MGAT4C: variants seen among roughly 807,000 people sequenced by gnomAD.
MGAT4C encodes the protein MGAT4 family member C.
Under a neutral mutation model 40.1 loss-of-function variants are expected in MGAT4C, and 19 were observed. The ratio of observed to expected loss-of-function variants is 0.47; its 90% CI spans 0.33 to 0.70. MGAT4C has a LOEUF of 0.70. Among genes scored for constraint, MGAT4C ranks in the 30% least tolerant of loss-of-function variants. The pLI, the probability that MGAT4C is intolerant of heterozygous loss-of-function variation, is 0.02. For synonymous variants in MGAT4C, 181 were observed against 187.1 expected (o/e 0.97, Z 0.27); for missense variants, 491 against 563.2 (o/e 0.87, Z 1.30).
chr12:86,795,616 AAGAG>A (rs374665523), intron 1 of MGAT4C, among the ~76,000 whole-genome samples: 7 of 148,038 alleles, frequency 4.7e-5, no homozygotes, highest in Non-Finnish European at 7.4e-5. Context: ...GAGAGAGAGA[AAGAG>A]AGAGAGAGAG....
chr12:86,480,403 A>G (rs1172154899), intron 2 of MGAT4C, among the ~76,000 whole-genome samples: 1 of 151,650 alleles, frequency 6.6e-6, no homozygotes, highest in Non-Finnish European at 1.5e-5. Context: ...ATGTGTACAT[A>G]TAAGTATATA....
At chr12:86,631,108 C>T (rs866533824) in intron 2 of MGAT4C, among the ~76,000 whole-genome samples, 1 of 151,924 alleles carries the variant, frequency 6.6e-6, no homozygotes, top group African/African-American at 2.4e-5. Context: ...TATACACCAA[C>T]AACAGACAAA....
chr12:86,688,866 T>C (rs2136593625), intron 2 of MGAT4C, among the ~76,000 whole-genome samples: 1 of 152,270 alleles, frequency 6.6e-6, no homozygotes, highest in South Asian at 2.1e-4. Context: ...GTGCTCTCTA[T>C]ATTTCCTGAA....
intron 2 of MGAT4C, among the ~76,000 whole-genome samples, chr12:86,513,367 T>C (rs184132006): frequency 6.6e-6 from 1 of 152,236 alleles, no homozygotes; most frequent in East Asian, 1.9e-4. Context: ...AAGCAGATGA[T>C]GTACCTAAAA....
chr12:86,752,831 G>A (rs964563877), intron 1 of MGAT4C, among the ~76,000 whole-genome samples: 5 of 152,022 alleles, frequency 3.3e-5, no homozygotes, highest in African/African-American at 1.2e-4. Context: ...ATATCTTGCT[G>A]GAACAATTGC....
At chr12:86,531,122 A>T (rs1592956956) in intron 2 of MGAT4C, among the ~76,000 whole-genome samples, 1 of 152,220 alleles carries the variant, frequency 6.6e-6, no homozygotes, top group Non-Finnish European at 1.5e-5. Flanking sequence ...AACAAATTTT[A>T]TCTTTGTACC....
intron 2 of MGAT4C, among the ~76,000 whole-genome samples, chr12:86,702,330 C>T (rs921908126): frequency 6.6e-5 from 10 of 152,002 alleles, no homozygotes; most frequent in Non-Finnish European, 1.5e-4. Context: ...TGGGTGTGCA[C>T]CATCAGGCCT....
At chr12:86,540,482 A>G (rs926877683) in intron 2 of MGAT4C, among the ~76,000 whole-genome samples, 17 of 152,300 alleles carry the variant, frequency 1.1e-4, no homozygotes, top group Middle Eastern at 3.4e-3. Context: ...TCATGCCGGT[A>G]ATTCCAGCAC....
chr12:86,583,903 CA>C (rs1960895812), intron 2 of MGAT4C, among the ~76,000 whole-genome samples: 1 of 150,886 alleles, frequency 6.6e-6, no homozygotes, highest in Non-Finnish European at 1.5e-5. Context: ...AATTATTTGG[CA>C]GCTAAATTTT....
chr12:86,067,085 T>C (rs1318917056), intron 1 of MGAT4C, among the ~76,000 whole-genome samples: 3 of 152,114 alleles, frequency 2.0e-5, no homozygotes, highest in African/African-American at 7.2e-5. Context: ...TATGGAGAAA[T>C]AGGAATGCTT....
intron 1 of MGAT4C, among the ~76,000 whole-genome samples, chr12:86,252,401 T>G (rs1370911978): frequency 6.6e-6 from 1 of 152,048 alleles, no homozygotes; most frequent in East Asian, 1.9e-4. Context: ...CTAGACAGAT[T>G]CTTCAGTGGC....
In MGAT4C at chr12:86,545,540, C is replaced by A. The variant is rs371209949; in HGVS notation, c.-228-110275G>T. On this transcript the variant is annotated intron_variant, in intron 2 of 7. Coordinates refer to the MGAT4C transcript ENST00000548651. ...ATTAGATGACAAGCAATATTCAAAT[C>A]AAAAAATCCTCTTGTATAAACAGAC... 5.1e-4 allele frequency among the ~76,000 whole-genome samples: 78 copies of A among 151,730 alleles called. No individual in the cohort carries two copies. In the South Asian group the frequency reaches 1.0e-2, roughly 19 times the overall value.
intron 2 of MGAT4C, among the ~76,000 whole-genome samples, chr12:86,499,606 T>C (rs1437212590): frequency 6.6e-6 from 1 of 151,828 alleles, no homozygotes; most frequent in Non-Finnish European, 1.5e-5. Context: ...AAACCAACTA[T>C]TTGTCACCTT....
chr12:86,527,624 A>C (rs1958907333), intron 2 of MGAT4C, among the ~76,000 whole-genome samples: 1 of 152,124 alleles, frequency 6.6e-6, no homozygotes, highest in Non-Finnish European at 1.5e-5. Flanking sequence ...TCCAATCCAT[A>C]AGCATTGAAT....
At chr12:86,465,343 AG>A (rs1957664264) in intron 2 of MGAT4C, among the ~76,000 whole-genome samples, 2 of 152,164 alleles carry the variant, frequency 1.3e-5, no homozygotes, top group Non-Finnish European at 2.9e-5. Flanking sequence ...ACAATACCAA[AG>A]GGAATAATCT....
chr12:86,516,770 T>C (rs980965275), intron 2 of MGAT4C, among the ~76,000 whole-genome samples: 2 of 152,138 alleles, frequency 1.3e-5, no homozygotes, highest in African/African-American at 4.8e-5. Context: ...AAAAATCACA[T>C]GAAAATATGT....
intron 3 of MGAT4C, among the ~76,000 whole-genome samples, chr12:86,338,958 CAAAAAAAAAA>C (rs67462771): frequency 1.5e-5 from 1 of 66,118 alleles, no homozygotes; most frequent in African/African-American, 6.1e-5. Flanking sequence ...GACTCCATCT[CAAAAAAAAAA>C]AAAAAAAAAA....
intron 1 of MGAT4C, among the ~76,000 whole-genome samples, chr12:86,153,569 G>T (rs1405004600): frequency 6.6e-6 from 1 of 152,176 alleles, no homozygotes; most frequent in African/African-American, 2.4e-5. Flanking sequence ...ATGCATCCAG[G>T]TAGGGACCTG....
At chr12:86,340,950 G>T (rs1388682086) in intron 3 of MGAT4C, among the ~76,000 whole-genome samples, 1 of 146,668 alleles carries the variant, frequency 6.8e-6, no homozygotes, top group Non-Finnish European at 1.5e-5. Context: ...TATTTAAAAG[G>T]GCTTATAAAA....
Sources: allele counts gnomAD v4.1 joint callset (sites outside exome capture counted in the v4.1 genomes callset), GRCh38; gene constraint gnomAD v4.1.1; transcripts MANE v1.5; gene names NCBI Gene and HGNC (gene_info 2026-07-23, HGNC 2026-07-21).